The following ADCYAP1 variants were observed in gnomAD, a reference collection of about 807,000 sequenced individuals.
ADCYAP1 encodes the protein adenylate cyclase activating polypeptide 1, also known as pituitary adenylate cyclase-activating polypeptide.
Under a neutral mutation model 18.5 loss-of-function variants are expected in ADCYAP1, and 6 were observed. The ratio of observed to expected loss-of-function variants is 0.32; its 90% CI spans 0.18 to 0.64. The LOEUF is 0.64. Ranked by LOEUF, ADCYAP1 falls within the 30% of genes least tolerant of loss-of-function variation. ADCYAP1 has a pLI of 0.77. For missense variants in ADCYAP1, 314 were observed against 253.6 expected (o/e 1.24, Z -1.62); for synonymous variants, 136 against 113.9 (o/e 1.19, Z -1.24).
chr18:909,179 C>T (rs981615510), intron 4 of ADCYAP1, among the ~76,000 whole-genome samples: 1 of 152,236 alleles, frequency 6.6e-6, no homozygotes, highest in East Asian at 1.9e-4. Context: ...AGGCTTGAAG[C>T]GCGCGTCGCC....
At chr18:907,593 T>C in intron 2 of ADCYAP1, 66 bp from the exon 3 acceptor site, 1 of 1,506,726 alleles carries the variant, frequency 6.6e-7, no homozygotes, top group South Asian at 1.2e-5. Flanking sequence ...CCCCTTACTT[T>C]GGATCCTCGC....
At chr18:905,775 C>A in intron 2 of ADCYAP1, 1 of 490,368 alleles carries the variant, frequency 2.0e-6, no homozygotes, top group South Asian at 2.9e-5. Context: ...CCCCCTCCCC[C>A]AACCCGGCCC....
In ADCYAP1 at chr18:909,752, A is replaced by T; in HGVS notation, c.*117A>T. The stretch of plus-strand genomic sequence containing the variant: ...ATCCAAACATGTATTTATGTAATGA[A>T]GTAAAGCCATTAAATGAATATTTTG... On this transcript the variant is annotated 3_prime_UTR_variant, in exon 5 of 5. Coordinates refer to ENST00000450565, the MANE Select transcript of ADCYAP1 (RefSeq NM_001099733.2). 1 of 850,772 alleles carries T rather than the reference A, an allele frequency of 1.2e-6. No individual in the cohort carries two copies. Among genetic ancestry groups the T allele is most frequent in the East Asian group, 2.7e-5 (1 of 37,154 alleles). The allele number at this position is 850,772 out of a possible 1,614,324, so 52.7% of individuals were successfully genotyped here.
Position 912,054 on chromosome 18 carries a change from G to A in ADCYAP1, c.*2419G>A, listed in dbSNP as rs1305096794. 1 of 152,136 alleles carries A rather than the reference G, an allele frequency of 6.6e-6. No homozygotes were observed. Among genetic ancestry groups the A allele is most frequent in the Non-Finnish European group, 1.5e-5 (1 of 68,030 alleles). The allele number at this position is 152,136 out of a possible 1,614,324, so 9.4% of individuals were successfully genotyped here. On this transcript the variant is annotated 3_prime_UTR_variant, in exon 5 of 5. Transcript: ENST00000450565. Reference sequence around the variant, plus strand: ...TGAAGCTCTTATTTTGTGTGCAACTGATTATAAAAACACCTTAACCAAGTA... The same window carrying A: ...TGAAGCTCTTATTTTGTGTGCAACTAATTATAAAAACACCTTAACCAAGTA...
At chr18:904,838 C>G (rs998962619), upstream of ADCYAP1, 5 of 1,286,880 alleles carry the variant, frequency 3.9e-6, no homozygotes, top group Admixed American at 2.3e-5. Context: ...GTCACGCTCC[C>G]TCCTGGTTCT....
In ADCYAP1 at chr18:909,496, G is replaced by A; in HGVS notation, c.392G>A (p.Arg131His). 2.5e-6 allele frequency: 4 copies of A among 1,613,570 alleles called. No individual in the cohort carries two copies. The highest frequency in any genetic ancestry group is 3.4e-6 in the Non-Finnish European group (4 of 1,179,924). The change falls in exon 5 of 5, where the codon CGC becomes CAC. Residue 131 changes from arginine (R) to histidine (H), a missense_variant. By Grantham distance (29) the Arg-to-His change is conservative. Coordinates refer to ENST00000450565, the MANE Select transcript of ADCYAP1 (RefSeq NM_001099733.2). ...GACGACGCGGAGCCGCTCTCCAAGC[G>A]CCACTCGGACGGGATCTTCACGGAC... ...AGDDAEPLSK[R>H]HSDGIFTDSY... is the part of the protein sequence containing the mutation.
chr18:905,351 T>C, intron 1 of ADCYAP1, 35 bp from the exon 2 acceptor site: 1 of 1,609,032 alleles, frequency 6.2e-7, no homozygotes, highest in Non-Finnish European at 8.5e-7. Flanking sequence ...AGGGGCGTTC[T>C]CACAGCTGTG....
intron 2 of ADCYAP1, chr18:907,451 GGC>G: frequency 2.0e-6 from 1 of 490,680 alleles, no homozygotes; most frequent in South Asian, 3.4e-5. Context: ...AGGGGGGGTG[GGC>G]GGGCCGCCCG....
chr18:904,644 A>T, upstream of ADCYAP1: 1 of 1,233,738 alleles, frequency 8.1e-7, no homozygotes, highest in South Asian at 1.4e-5. Flanking sequence ...GGCTCCTACA[A>T]AGGCGGGCTA....
rs768750938 is a variant in ADCYAP1, at chr18:907,723, C to T, written c.175C>T (p.Pro59Ser). 4 of 1,536,472 alleles carry T rather than the reference C, an allele frequency of 2.6e-6. No individual in the cohort carries two copies. The Admixed American group carries it at 5.9e-5, about 23-fold the overall frequency. The change falls in exon 3 of 5, where the codon CCG (proline) becomes TCG (serine). Residue 59 changes from proline (P) to serine (S), a missense_variant. Pro to Ser is a moderately conservative substitution (Grantham distance 74, BLOSUM62 -1). Coordinates refer to ENST00000450565, the MANE Select transcript of ADCYAP1 (RefSeq NM_001099733.2). ...GCCAGACTTCGATGGCTCGGAGCCG[C>T]CGGGCGCAGGGAGCCCCGCCTCCGC... is the stretch of plus-strand genomic sequence containing the variant. ...PLPDFDGSEPPGAGSPASAPR... is the reference protein window; with the variant it reads ...PLPDFDGSEPSGAGSPASAPR...
In ADCYAP1 at chr18:910,048, G is replaced by A. The variant is rs1909333938; in HGVS notation, c.*413G>A. Reference sequence around the variant, plus strand: ...CTATTTTTGTAAACTGGAATTAAAAGGATAGTATTTTTATCCATGACAGGC... The same window carrying A: ...CTATTTTTGTAAACTGGAATTAAAAAGATAGTATTTTTATCCATGACAGGC... On this transcript the variant is annotated 3_prime_UTR_variant, in exon 5 of 5. Coordinates refer to ENST00000450565, the MANE Select transcript of ADCYAP1 (RefSeq NM_001099733.2). 1 of 152,424 alleles carries A rather than the reference G, an allele frequency of 6.6e-6. No homozygotes were observed. Among genetic ancestry groups the A allele is most frequent in the Admixed American group, 6.5e-5 (1 of 15,270 alleles). 9.4% of individuals were successfully genotyped at this position (152,424 alleles called of 1,614,324 possible). A position where few individuals can be genotyped will look rare whatever the true frequency, so the allele number is the denominator to read the frequency against.
At chr18:904,724 T>C (rs763027831), upstream of ADCYAP1, 1 of 1,236,836 alleles carries the variant, frequency 8.1e-7, no homozygotes, top group East Asian at 5.8e-5. Context: ...AATCGCCTGC[T>C]TCTTCCTCCG....
At chr18:907,153 C>T (rs1909198264) in intron 2 of ADCYAP1, among the ~76,000 whole-genome samples, 1 of 152,184 alleles carries the variant, frequency 6.6e-6, no homozygotes, top group Non-Finnish European at 1.5e-5. Flanking sequence ...AAGGGCTCCC[C>T]TGGGCTCGGA....
rs34903313 is a variant in ADCYAP1, at chr18:910,878, CT to C, written c.*1254del. 61,890 of 149,046 alleles carry C rather than the reference CT, an allele frequency of 0.42. 12,918 individuals carry two copies. The highest frequency in any genetic ancestry group is 0.45 in the African/African-American group (18,270 of 40,720). The allele number at this position is 149,046 out of a possible 1,614,324, so 9.2% of individuals were successfully genotyped here. ...CTCTTAAACTTGTGAATGCTTCTCA[CT>C]TTTTTTTTTTGTTTGATGCAGGCAC... is the stretch of plus-strand genomic sequence containing the variant. On this transcript the variant is annotated 3_prime_UTR_variant, in exon 5 of 5. Coordinates refer to ENST00000450565, the MANE Select transcript of ADCYAP1 (RefSeq NM_001099733.2).
chr18:904,630 C>T, upstream of ADCYAP1: 5 of 1,245,076 alleles, frequency 4.0e-6, no homozygotes, highest in Non-Finnish European at 5.1e-6. Flanking sequence ...GCTGCCTGGC[C>T]CGCGGCTCCT....
Position 905,006 on chromosome 18 carries a change from C to A in ADCYAP1, c.-56C>A, listed in dbSNP as rs1006589557. The A allele has an allele frequency of 8.5e-6, 11 of 1,291,458 alleles. No individual in the cohort carries two copies. Among genetic ancestry groups the A allele is most frequent in the Admixed American group, 2.3e-5 (1 of 43,402 alleles). 80.0% of individuals were successfully genotyped at this position (1,291,458 alleles called of 1,614,324 possible). A position where few individuals can be genotyped will look rare whatever the true frequency, so the allele number is the denominator to read the frequency against. On this transcript the variant is annotated 5_prime_UTR_variant, in exon 1 of 5. Transcript: ENST00000450565. ...ACTCCAGCGCAGGAACTTGAAGAAGCGCTTTGCCCGCCGTCCTACCTGGCA... is the reference window on the plus strand; with the variant it reads ...ACTCCAGCGCAGGAACTTGAAGAAGAGCTTTGCCCGCCGTCCTACCTGGCA...
rs1251175245 is a variant in ADCYAP1, at chr18:909,465, G to A, written c.361G>A (p.Ala121Thr). 2 of 1,612,156 alleles carry A rather than the reference G, an allele frequency of 1.2e-6. No homozygotes were observed. Among genetic ancestry groups the A allele is most frequent in the Non-Finnish European group, 1.7e-6 (2 of 1,179,608 alleles). The change falls in exon 5 of 5, where the codon GCG (alanine) becomes ACG (threonine). Residue 121 changes from alanine to threonine, a missense_variant. Transcript: ENST00000450565. The stretch of plus-strand genomic sequence containing the variant: ...TTGCAGTGGGAGCCTCGGCGGCGGC[G>A]CGGGGGACGACGCGGAGCCGCTCTC... ...RGVGGSLGGGAGDDAEPLSKR... is the reference protein window; with the variant it reads ...RGVGGSLGGGTGDDAEPLSKR...
In ADCYAP1 at chr18:905,465, G is replaced by A. The variant is rs1434786631; in HGVS notation, c.79G>A (p.Ala27Thr). The change falls in exon 2 of 5, where the codon GCC becomes ACC. Residue 27 changes from alanine to threonine, a missense_variant. Coordinates refer to ENST00000450565, the MANE Select transcript of ADCYAP1 (RefSeq NM_001099733.2). ...IMHSSVYSSP[A>T]AAGLRFPGIR... ...GCACAGCAGCGTCTACAGCTCACCT[G>A]CCGCCGCCGGACTCCGGTTCCCCGG... 2 of 1,610,164 alleles carry A rather than the reference G, an allele frequency of 1.2e-6. No homozygotes were observed. Among genetic ancestry groups the A allele is most frequent in the Non-Finnish European group, 8.5e-7 (1 of 1,180,012 alleles).
chr18:907,915 C>T (rs1478408962), intron 3 of ADCYAP1, 125 bp downstream of exon 3: 8 of 1,363,470 alleles, frequency 5.9e-6, no homozygotes, highest in Admixed American at 3.6e-5. Flanking sequence ...CAAGCCTGTC[C>T]TCTCCCTGGC....
Sources: allele counts gnomAD v4.1 joint callset (sites outside exome capture counted in the v4.1 genomes callset), GRCh38; gene constraint gnomAD v4.1.1; transcripts MANE v1.5; gene names NCBI Gene and HGNC (gene_info 2026-07-23, HGNC 2026-07-21).